Variants in XRCC4 observed in about 807,000 individuals in gnomAD.
The protein encoded by XRCC4 is X-ray repair cross complementing 4, also known as DNA repair protein XRCC4.
Under a neutral mutation model 39.1 loss-of-function variants are expected in XRCC4, and 28 were observed. The observed-to-expected ratio is 0.72, with a 90% CI of 0.53 to 0.98. The LOEUF (loss-of-function observed/expected upper bound fraction) is 0.98, where lower values mean the gene tolerates loss of function less well. Ranked by LOEUF, XRCC4 falls within the 50% of genes least tolerant of loss-of-function variation. XRCC4 has a pLI of 0.00. For synonymous variants in XRCC4, 123 were observed against 126.4 expected, an observed-to-expected ratio of 0.97 and a Z score of 0.18; for missense variants, 350 against 376.4, an observed-to-expected ratio of 0.93 and a Z score of 0.58.
chr5:83,310,968 A>C (rs1035186084), intron 7 of XRCC4: 8 of 386,738 alleles, frequency 2.1e-5, no homozygotes, highest in African/African-American at 1.7e-4. Context: ...CTCCGGAGGG[A>C]GTGTAGCCCT....
At chr5:83,152,442 G>C (rs758908157) in intron 3 of XRCC4, among the ~76,000 whole-genome samples, 9 of 152,092 alleles carry the variant, frequency 5.9e-5, no homozygotes, top group Non-Finnish European at 1.2e-4. Flanking sequence ...GACTCAGCCT[G>C]ACCAACATGG....
chr5:83,110,487 A>C (rs1220105567), intron 2 of XRCC4, among the ~76,000 whole-genome samples: 1 of 152,000 alleles, frequency 6.6e-6, no homozygotes, highest in Non-Finnish European at 1.5e-5. Flanking sequence ...GTTGCAGAGG[A>C]GATGCTCGTA....
chr5:83,345,942 G>A (rs977652716), intron 7 of XRCC4, among the ~76,000 whole-genome samples: 5 of 151,988 alleles, frequency 3.3e-5, no homozygotes, highest in African/African-American at 1.2e-4. Flanking sequence ...TTTTATTCAA[G>A]TTGTAGTTTG....
intron 1 of XRCC4, among the ~76,000 whole-genome samples, chr5:83,080,484 C>T (rs1744885200): frequency 6.6e-6 from 1 of 151,412 alleles, no homozygotes; most frequent in Non-Finnish European, 1.5e-5. Context: ...CGAGATTGTG[C>T]CACTGTACTC....
At chr5:83,124,861 T>G (rs1338039137) in intron 3 of XRCC4, among the ~76,000 whole-genome samples, 1 of 152,224 alleles carries the variant, frequency 6.6e-6, no homozygotes, top group African/African-American at 2.4e-5. Flanking sequence ...AATAAATATC[T>G]AGGATTGTGA....
At chr5:83,237,203 T>A (rs1329541207) in intron 6 of XRCC4, among the ~76,000 whole-genome samples, 2 of 152,150 alleles carry the variant, frequency 1.3e-5, no homozygotes, top group Non-Finnish European at 2.9e-5. Flanking sequence ...GCAAGCCCAC[T>A]GCTGGGTATA....
At chr5:83,181,229 A>G (rs1475817245) in intron 3 of XRCC4, among the ~76,000 whole-genome samples, 1 of 151,546 alleles carries the variant, frequency 6.6e-6, no homozygotes, top group Admixed American at 6.6e-5. Context: ...CTTAATTTCC[A>G]GTATAGTTAT....
At chr5:83,198,515 A>G (rs1330727902) in intron 4 of XRCC4, among the ~76,000 whole-genome samples, 1 of 152,196 alleles carries the variant, frequency 6.6e-6, no homozygotes, top group Non-Finnish European at 1.5e-5. Flanking sequence ...ATATTTATAT[A>G]GAGAGTATCT....
chr5:83,179,221 A>G (rs1201082054), intron 3 of XRCC4, among the ~76,000 whole-genome samples: 1 of 152,218 alleles, frequency 6.6e-6, no homozygotes, highest in Admixed American at 6.5e-5. Context: ...CACCTAACAT[A>G]TTCTTAGGTA....
the XRCC4 span, among the ~76,000 whole-genome samples, chr5:83,366,604 G>T: frequency 1.3e-5 from 2 of 152,088 alleles, no homozygotes; most frequent in African/African-American, 4.8e-5. Flanking sequence ...TAAAAGCCAA[G>T]AGCTTTACTG....
chr5:83,196,039 A>C, intron 4 of XRCC4, 103 bp downstream of exon 4: 3 of 1,208,274 alleles, frequency 2.5e-6, no homozygotes, highest in Non-Finnish European at 3.3e-6. Context: ...GTGGATTAGC[A>C]CATATATATT....
intron 6 of XRCC4, among the ~76,000 whole-genome samples, chr5:83,246,138 A>G (rs975822857): frequency 2.6e-5 from 4 of 151,890 alleles, no homozygotes; most frequent in South Asian, 2.1e-4. Context: ...ATGGATATAG[A>G]TTTCTATATC....
intron 7 of XRCC4, among the ~76,000 whole-genome samples, chr5:83,281,231 T>G (rs571888916): frequency 6.6e-6 from 1 of 152,334 alleles, no homozygotes; most frequent in East Asian, 1.9e-4. Flanking sequence ...TTCACTGCTT[T>G]GATTTAAGCC....
At chr5:83,180,393 A>G (rs571685904) in intron 3 of XRCC4, among the ~76,000 whole-genome samples, 5 of 152,298 alleles carry the variant, frequency 3.3e-5, no homozygotes, top group Non-Finnish European at 7.4e-5. Context: ...ATCCAAATAT[A>G]TGAAATGACA....
intron 3 of XRCC4, among the ~76,000 whole-genome samples, chr5:83,126,977 G>A (rs1242844750): frequency 4.6e-5 from 7 of 151,974 alleles, no homozygotes; most frequent in Admixed American, 2.0e-4. Context: ...CCTGTCTTAC[G>A]CCTGCATTGT....
intron 3 of XRCC4, among the ~76,000 whole-genome samples, chr5:83,177,296 C>T (rs1750001750): frequency 6.6e-6 from 1 of 152,118 alleles, no homozygotes; most frequent in South Asian, 2.1e-4. Flanking sequence ...AGGAAACCTT[C>T]TGACTCAGAA....
At chr5:83,322,652 T>G (rs761815299) in intron 7 of XRCC4, among the ~76,000 whole-genome samples, 2 of 152,162 alleles carry the variant, frequency 1.3e-5, no homozygotes, top group Non-Finnish European at 2.9e-5. Context: ...ACATAGATCT[T>G]TATAAGAGGG....
intron 3 of XRCC4, among the ~76,000 whole-genome samples, chr5:83,114,819 A>G (rs951933770): frequency 6.6e-6 from 1 of 152,108 alleles, no homozygotes; most frequent in Admixed American, 6.5e-5. Flanking sequence ...ACCGGTACCA[A>G]TTTACTGTAT....
intron 3 of XRCC4, among the ~76,000 whole-genome samples, chr5:83,134,662 A>C (rs569919877): frequency 5.3e-5 from 8 of 152,302 alleles, no homozygotes; most frequent in African/African-American, 1.2e-4. Flanking sequence ...AAACGCAGGC[A>C]ACCTGAGCCA....
Sources: gnomAD v4.1 joint callset for allele counts (sites outside exome capture counted in the v4.1 genomes callset) on GRCh38, gnomAD v4.1.1 for gene constraint, MANE v1.5 for transcripts, NCBI Gene and HGNC (gene_info 2026-07-23, HGNC 2026-07-21) for gene names.